ALK: variants seen among roughly 807,000 people sequenced by gnomAD.
ALK encodes the protein ALK receptor tyrosine kinase, also known as ALK tyrosine kinase receptor.
In ALK, 74 loss-of-function variants were observed where a neutral mutation model predicts 163.1. That is an observed-to-expected ratio of 0.45 (90% CI 0.38 to 0.55). ALK has a LOEUF of 0.55. Among genes scored for constraint, ALK ranks in the 20% least tolerant of loss-of-function variants. ALK has a pLI of 0.00. For synonymous variants in ALK, 960 were observed against 843.2 expected (o/e 1.14, Z -2.40); for missense variants, 2,063 against 2,105.3 (o/e 0.98, Z 0.39).
At chr2:29,902,413 C>A (rs538345495) in intron 1 of ALK, among the ~76,000 whole-genome samples, 2 of 152,198 alleles carry the variant, frequency 1.3e-5, no homozygotes, top group Non-Finnish European at 2.9e-5. Context: ...TCTTCCCTCT[C>A]CTCCACCCCA....
intron 4 of ALK, among the ~76,000 whole-genome samples, chr2:29,509,778 T>C (rs955223036): frequency 2.0e-5 from 3 of 152,188 alleles, no homozygotes; most frequent in African/African-American, 4.8e-5. Flanking sequence ...AGTGCAGACT[T>C]TGGGGACACT....
intron 1 of ALK, among the ~76,000 whole-genome samples, chr2:29,742,901 C>A (rs1289540135): frequency 6.6e-6 from 1 of 152,192 alleles, no homozygotes; most frequent in African/African-American, 2.4e-5. Context: ...CCTTCATGTG[C>A]CAGCCACCTT....
chr2:29,266,088 T>G (rs1244497326), intron 11 of ALK, among the ~76,000 whole-genome samples: 1 of 152,264 alleles, frequency 6.6e-6, no homozygotes, highest in Non-Finnish European at 1.5e-5. Context: ...TGAACAAGGT[T>G]TTGACGCATC....
chr2:29,671,231 G>A (rs76673666), intron 3 of ALK, among the ~76,000 whole-genome samples: 8,384 of 152,034 alleles, frequency 0.055, 751 homozygotes, highest in African/African-American at 0.19. Flanking sequence ...TCACCTCTGC[G>A]CTAATAAATA....
chr2:29,249,946 G>T (rs1015869932), intron 12 of ALK, among the ~76,000 whole-genome samples: 2 of 152,194 alleles, frequency 1.3e-5, no homozygotes, highest in African/African-American at 4.8e-5. Context: ...AGCACTTAGG[G>T]CTGTCCCCGT....
chr2:29,783,330 A>C (rs192102117), intron 1 of ALK, among the ~76,000 whole-genome samples: 3 of 152,326 alleles, frequency 2.0e-5, no homozygotes, highest in African/African-American at 7.2e-5. Context: ...CCTAGGCAAC[A>C]ATGTTCAATT....
intron 3 of ALK, among the ~76,000 whole-genome samples, chr2:29,671,086 T>G (rs900812265): frequency 6.6e-6 from 1 of 152,120 alleles, no homozygotes; most frequent in Non-Finnish European, 1.5e-5. Context: ...TATCTTTGCA[T>G]TGAAAGATCA....
intron 4 of ALK, among the ~76,000 whole-genome samples, chr2:29,475,144 G>A (rs72794432): frequency 0.07 from 10,699 of 152,200 alleles, 529 homozygotes; most frequent in Non-Finnish European, 0.11. Flanking sequence ...TCGAGAGGGC[G>A]GAAAATGGAG....
chr2:29,807,363 A>T (rs1355449422), intron 1 of ALK, among the ~76,000 whole-genome samples: 1 of 152,226 alleles, frequency 6.6e-6, no homozygotes, highest in Non-Finnish European at 1.5e-5. Context: ...TTGATTTTGC[A>T]TCTGTCTGAA....
At chr2:29,660,677 G>T (rs1463309842) in intron 3 of ALK, among the ~76,000 whole-genome samples, 1 of 90,114 alleles carries the variant, frequency 1.1e-5, no homozygotes, top group Non-Finnish European at 3.0e-5. Flanking sequence ...GGAGAGGGGA[G>T]AAAGGGGGAA....
intron 1 of ALK, among the ~76,000 whole-genome samples, chr2:29,887,955 C>A (rs947349355): frequency 2.6e-5 from 4 of 152,170 alleles, no homozygotes; most frequent in African/African-American, 9.7e-5. Flanking sequence ...ACCAGGAAAA[C>A]CTTTGGCAGA....
intron 3 of ALK, among the ~76,000 whole-genome samples, chr2:29,576,548 T>C (rs537000828): frequency 6.6e-6 from 1 of 152,326 alleles, no homozygotes; most frequent in East Asian, 1.9e-4. Flanking sequence ...CTGCTCTCAG[T>C]GAAGCCCCAT....
intron 3 of ALK, among the ~76,000 whole-genome samples, chr2:29,592,581 T>A (rs192211166): frequency 1.3e-5 from 2 of 152,316 alleles, no homozygotes; most frequent in Admixed American, 1.3e-4. Context: ...GTTTTCATGT[T>A]GGGAGGTCAG....
intron 3 of ALK, among the ~76,000 whole-genome samples, chr2:29,660,004 TAA>T (rs944449606): frequency 2.6e-5 from 4 of 152,176 alleles, no homozygotes; most frequent in African/African-American, 9.7e-5. Flanking sequence ...CTCCATCTTT[TAA>T]AAAGTGATAC....
chr2:29,754,784 G>A lies in ALK; in HGVS notation c.668-37087C>T, dbSNP rs557471177. ...TAACAATATTTGCCAATCCATACAT[G>A]TTGGTATTTATACCTTAGTGGCCAC... On this transcript the variant is annotated intron_variant, in intron 1 of 28. Coordinates refer to ENST00000389048, the MANE Select transcript of ALK (RefSeq NM_004304.5). Among the ~76,000 whole-genome samples, 13 of 152,270 alleles carry A rather than the reference G, an allele frequency of 8.5e-5. 1 individual carries two copies. In the East Asian group the frequency reaches 1.9e-3, roughly 23 times the overall value.
At chr2:29,495,013 A>T (rs1390560180) in intron 4 of ALK, among the ~76,000 whole-genome samples, 1 of 152,208 alleles carries the variant, frequency 6.6e-6, no homozygotes, top group African/African-American at 2.4e-5. Context: ...GTGCTTTATG[A>T]TGCTTTCACC....
intron 1 of ALK, among the ~76,000 whole-genome samples, chr2:29,793,409 G>T (rs1664234574): frequency 6.6e-6 from 1 of 151,652 alleles, no homozygotes; most frequent in South Asian, 2.1e-4. Context: ...CCCTGTTCAT[G>T]TTGTTATTTT....
intron 1 of ALK, among the ~76,000 whole-genome samples, chr2:29,763,564 C>T (rs1355994564): frequency 6.6e-6 from 1 of 151,238 alleles, no homozygotes; most frequent in Non-Finnish European, 1.5e-5. Flanking sequence ...CAGGCTCAGC[C>T]CCCACATTTA....
chr2:29,200,762 TA>T (rs1558608729), intron 26 of ALK, among the ~76,000 whole-genome samples: 41 of 141,288 alleles, frequency 2.9e-4, no homozygotes, highest in Admixed American at 1.9e-3. Flanking sequence ...CGTATATATG[TA>T]TATATATACG....
Sources: gnomAD v4.1 joint callset for allele counts (sites outside exome capture counted in the v4.1 genomes callset) on GRCh38, gnomAD v4.1.1 for gene constraint, MANE v1.5 for transcripts, NCBI Gene and HGNC (gene_info 2026-07-23, HGNC 2026-07-21) for gene names.